The following TMEM45A variants were observed in gnomAD, a reference collection of about 807,000 sequenced individuals.
The protein encoded by TMEM45A is transmembrane protein 45A.
A neutral mutation model predicts 32.0 loss-of-function variants in TMEM45A; 25 were observed. The ratio of observed to expected loss-of-function variants is 0.78; its 90% confidence interval spans 0.57 to 1.09. The LOEUF is 1.09. Ranked by LOEUF, TMEM45A falls within the 50% of genes least tolerant of loss-of-function variation. The pLI is 0.00. For missense variants in TMEM45A, 302 were observed against 325.0 expected (o/e 0.93, Z 0.54); for synonymous variants, 122 against 114.8 (o/e 1.06, Z -0.40).
At chr3:100,556,694 C>A in intron 2 of TMEM45A, 66 bp from the exon 3 acceptor site, 1 of 1,405,684 alleles carries the variant, frequency 7.1e-7, no homozygotes, top group Non-Finnish European at 9.9e-7. Context: ...ATGGACTAGT[C>A]CTCCTGCATC....
In TMEM45A at chr3:100,528,942, T is replaced by C. The variant is rs184526658; in HGVS notation, c.-3-26267T>C. ...GCAATGTAAAAAAATGACTTTCATA[T>C]GAGGCCTTAAGGGTCAGATAGTTTC... On this transcript the variant is annotated intron_variant, in intron 1 of 5. Transcript: ENST00000323523. Among the ~76,000 whole-genome samples the C allele has an allele frequency of 4.6e-5, 7 of 152,326 alleles. No homozygotes were observed. The East Asian group carries it at 1.4e-3, about 29-fold the overall frequency.
At chr3:100,530,003 T>G (rs541252925) in intron 1 of TMEM45A, among the ~76,000 whole-genome samples, 1 of 152,320 alleles carries the variant, frequency 6.6e-6, no homozygotes, top group East Asian at 1.9e-4. Flanking sequence ...TCTCTGCTCC[T>G]TGGCTCTTCC....
At chr3:100,549,525 C>A (rs553566703) in intron 1 of TMEM45A, among the ~76,000 whole-genome samples, 8 of 152,298 alleles carry the variant, frequency 5.3e-5, no homozygotes, top group African/African-American at 1.9e-4. Flanking sequence ...CAGAACTGCC[C>A]TCTGGCACAA....
chr3:100,575,048 T>C (rs59720880), intron 5 of TMEM45A, among the ~76,000 whole-genome samples: 2,380 of 152,312 alleles, frequency 0.016, 50 homozygotes, highest in African/African-American at 0.054. Context: ...AGAAAAAATA[T>C]AGCAGAAAAT....
chr3:100,518,188 C>A (rs1214907224), intron 1 of TMEM45A, among the ~76,000 whole-genome samples: 1 of 152,112 alleles, frequency 6.6e-6, no homozygotes, highest in Non-Finnish European at 1.5e-5. Context: ...CTTCTGGGCC[C>A]CACAGATTGC....
At chr3:100,544,871 C>A (rs1467239719) in intron 1 of TMEM45A, among the ~76,000 whole-genome samples, 2 of 152,126 alleles carry the variant, frequency 1.3e-5, no homozygotes, top group African/African-American at 4.8e-5. Flanking sequence ...ATTGCTGGGT[C>A]AAATGGTAAG....
chr3:100,563,824 G>A (rs1190138132), intron 4 of TMEM45A, among the ~76,000 whole-genome samples: 1 of 152,144 alleles, frequency 6.6e-6, no homozygotes, highest in Non-Finnish European at 1.5e-5. Flanking sequence ...AAGGGGTATT[G>A]CAAAACACTG....
At chr3:100,502,554 C>A (rs543586980) in intron 1 of TMEM45A, among the ~76,000 whole-genome samples, 2 of 152,202 alleles carry the variant, frequency 1.3e-5, no homozygotes, top group South Asian at 4.2e-4. Flanking sequence ...GCAGCTTCAA[C>A]CTCTTGGGCT....
chr3:100,567,204 C>T (rs1395233613), intron 4 of TMEM45A, among the ~76,000 whole-genome samples: 1 of 151,386 alleles, frequency 6.6e-6, no homozygotes, highest in South Asian at 2.1e-4. Flanking sequence ...AGGTAGGGGT[C>T]CAAATTCATT....
intron 4 of TMEM45A, among the ~76,000 whole-genome samples, chr3:100,567,308 T>C (rs544386000): frequency 4.6e-5 from 7 of 152,150 alleles, no homozygotes; most frequent in African/African-American, 1.7e-4. Flanking sequence ...CAAAAACCAA[T>C]TGACCTCAGA....
intron 1 of TMEM45A, among the ~76,000 whole-genome samples, chr3:100,520,248 T>C (rs1047034397): frequency 6.6e-6 from 1 of 152,142 alleles, no homozygotes; most frequent in African/African-American, 2.4e-5. Context: ...GCAGGTCTCA[T>C]TGAGAAAGAG....
chr3:100,539,319 G>A (rs1456277288), intron 1 of TMEM45A, among the ~76,000 whole-genome samples: 1 of 152,044 alleles, frequency 6.6e-6, no homozygotes, highest in Non-Finnish European at 1.5e-5. Context: ...GCTGATCTTT[G>A]ACAAAGGGGC....
At chr3:100,556,094 G>T (rs1190445783) in intron 2 of TMEM45A, among the ~76,000 whole-genome samples, 1 of 152,038 alleles carries the variant, frequency 6.6e-6, no homozygotes, top group African/African-American at 2.4e-5. Context: ...AAGCAGTTGT[G>T]CCTCAGCTCC....
At chr3:100,566,365 C>T (rs1706438280) in intron 4 of TMEM45A, among the ~76,000 whole-genome samples, 1 of 151,988 alleles carries the variant, frequency 6.6e-6, no homozygotes, top group Non-Finnish European at 1.5e-5. Context: ...AGAATTTTAT[C>T]CCAATAAAAA....
chr3:100,569,487 G>T (rs9823159), intron 5 of TMEM45A, among the ~76,000 whole-genome samples: 1 of 152,048 alleles, frequency 6.6e-6, no homozygotes, highest in South Asian at 2.1e-4. Context: ...ATGTTCCATA[G>T]GTGGGTAAGG....
chr3:100,534,934 C>G lies in TMEM45A; in HGVS notation c.-3-20275C>G, dbSNP rs1201242993. ...CACACCTCACAGATGCACTCCCTGC[C>G]ATAGCCTTGATTCTTCTGCTCAGCT... On this transcript the variant is annotated intron_variant, in intron 1 of 5. Coordinates refer to ENST00000323523, the MANE Select transcript of TMEM45A (RefSeq NM_018004.3). Among the ~76,000 whole-genome samples the G allele has an allele frequency of 2.0e-5, 3 of 147,372 alleles. No homozygotes were observed. In the Admixed American group the frequency reaches 2.1e-4, roughly 10 times the overall value.
At chr3:100,515,068 G>A (rs1487063669) in intron 1 of TMEM45A, among the ~76,000 whole-genome samples, 2 of 148,474 alleles carry the variant, frequency 1.3e-5, no homozygotes, top group Non-Finnish European at 3.0e-5. Context: ...AGTCAGTGTG[G>A]CGATTCCTCA....
intron 1 of TMEM45A, among the ~76,000 whole-genome samples, chr3:100,496,752 G>T (rs923287939): frequency 9.9e-5 from 15 of 152,138 alleles, no homozygotes; most frequent in African/African-American, 3.4e-4. Flanking sequence ...CATAGCACCT[G>T]GTTGTCTAGC....
intron 5 of TMEM45A, chr3:100,573,979 T>C (rs2148998819): frequency 6.6e-6 from 1 of 152,304 alleles, no homozygotes; most frequent in African/African-American, 2.4e-5. Flanking sequence ...AGCTTTTTGA[T>C]GTGCTGCTGG....
Sources: gnomAD v4.1 joint callset for allele counts (sites outside exome capture counted in the v4.1 genomes callset) on GRCh38, gnomAD v4.1.1 for gene constraint, MANE v1.5 for transcripts, NCBI Gene and HGNC (gene_info 2026-07-23, HGNC 2026-07-21) for gene names.